The following HERC4 variants were observed in gnomAD, a reference collection of about 807,000 sequenced individuals.
The protein encoded by HERC4 is HECT and RLD domain containing E3 ubiquitin protein ligase 4, also known as probable E3 ubiquitin-protein ligase HERC4.
In HERC4, 28 loss-of-function variants were observed where a neutral mutation model predicts 124.3. The ratio of observed to expected loss-of-function variants is 0.23; its 90% confidence interval spans 0.17 to 0.31. The LOEUF is 0.31. HERC4 is among the 10% of genes least tolerant of loss of function. HERC4 has a pLI of 1.00. For missense variants in HERC4, 713 were observed against 1,229.3 expected, an observed-to-expected ratio of 0.58 and a Z score of 6.28; for synonymous variants, 407 against 421.5, an observed-to-expected ratio of 0.97 and a Z score of 0.42.
chr10:68,029,973 C>T (rs1195684905), intron 7 of HERC4, among the ~76,000 whole-genome samples: 1 of 151,336 alleles, frequency 6.6e-6, no homozygotes, highest in Admixed American at 6.6e-5. Flanking sequence ...CTCCTGACCT[C>T]GTGATCTGCC....
At chr10:67,942,864 G>A (rs1035189283) in intron 19 of HERC4, among the ~76,000 whole-genome samples, 1 of 151,980 alleles carries the variant, frequency 6.6e-6, no homozygotes, top group Non-Finnish European at 1.5e-5. Context: ...TACTCTTCAC[G>A]TTTTCATCTG....
At chr10:68,057,626 A>G (rs2040615571) in intron 3 of HERC4, among the ~76,000 whole-genome samples, 1 of 149,846 alleles carries the variant, frequency 6.7e-6, no homozygotes, top group Non-Finnish European at 1.5e-5. Context: ...TCTGTCTCAA[A>G]AAAAAAAAAA....
At chr10:67,952,624 C>T (rs921200929) in intron 19 of HERC4, among the ~76,000 whole-genome samples, 80 of 151,278 alleles carry the variant, frequency 5.3e-4, no homozygotes, top group Admixed American at 4.9e-3. Flanking sequence ...GGAGGCCGGG[C>T]GCGGTGGCTC....
In HERC4 at chr10:67,922,763, G is replaced by C. The variant is rs73261363; in HGVS notation, c.*168C>G. 7,738 of 503,788 alleles carry C rather than the reference G, an allele frequency of 0.015. 478 individuals are homozygous for C. The highest frequency in any genetic ancestry group is 0.13 in the African/African-American group (6,997 of 52,822). The allele number at this position is 503,788 out of a possible 1,614,324, so 31.2% of individuals were successfully genotyped here. On this transcript the variant is annotated 3_prime_UTR_variant, in exon 25 of 25. Transcript: ENST00000373700. ...TTCTGTACAATAATATTAACAGTTT[G>C]TTCATTTTCCTTTAATATTTTTTGG...
intron 9 of HERC4, chr10:68,010,601 G>T: frequency 7.7e-7 from 1 of 1,297,308 alleles, no homozygotes; most frequent in Non-Finnish European, 1.1e-6. Flanking sequence ...AGGCCTGCAC[G>T]AGGGTTTCGG....
At chr10:67,995,319 C>T (rs1197379585) in intron 9 of HERC4, 2 of 451,122 alleles carry the variant, frequency 4.4e-6, no homozygotes, top group African/African-American at 2.0e-5. Context: ...TAAGTGTTAG[C>T]ATTACTTCAT....
chr10:68,043,404 G>A (rs1394533432), intron 4 of HERC4, among the ~76,000 whole-genome samples: 1 of 152,122 alleles, frequency 6.6e-6, no homozygotes, highest in Non-Finnish European at 1.5e-5. Context: ...GTCAGAATTT[G>A]TGTAAATTTT....
chr10:68,014,273 TA>T (rs2038134125), intron 8 of HERC4, 87 bp from the exon 9 acceptor site: 4 of 1,215,152 alleles, frequency 3.3e-6, no homozygotes, highest in Non-Finnish European at 4.4e-6. Flanking sequence ...TCAAAAGAGG[TA>T]ATTTTTCTTT....
At chr10:68,011,598 C>T (rs541458896) in intron 9 of HERC4, among the ~76,000 whole-genome samples, 44 of 152,262 alleles carry the variant, frequency 2.9e-4, no homozygotes, top group East Asian at 1.9e-3. Flanking sequence ...TTTTACTGAG[C>T]GGTGGGTCTC....
intron 14 of HERC4, among the ~76,000 whole-genome samples, chr10:67,989,894 C>G (rs1228819114): frequency 6.6e-6 from 1 of 151,668 alleles, no homozygotes; most frequent in Non-Finnish European, 1.5e-5. Context: ...TGTTCCTCCT[C>G]CTTTACTTCT....
intron 7 of HERC4, among the ~76,000 whole-genome samples, chr10:68,029,551 T>C (rs1290290254): frequency 6.6e-6 from 1 of 151,878 alleles, no homozygotes; most frequent in African/African-American, 2.4e-5. Flanking sequence ...TTATCCTTAG[T>C]GTATTTCCCC....
intron 23 of HERC4, among the ~76,000 whole-genome samples, chr10:67,925,595 A>G (rs760213833): frequency 2.0e-5 from 3 of 152,146 alleles, no homozygotes; most frequent in Non-Finnish European, 4.4e-5. Flanking sequence ...GCAACACTAA[A>G]AATTTTCTGA....
chr10:67,968,672 G>A (rs1353757916), intron 15 of HERC4, among the ~76,000 whole-genome samples: 1 of 152,006 alleles, frequency 6.6e-6, no homozygotes, highest in Non-Finnish European at 1.5e-5. Flanking sequence ...ACCGCGCCTG[G>A]CCAGAGAGGC....
intron 14 of HERC4, 73 bp downstream of exon 14, chr10:67,990,138 T>C: frequency 7.8e-7 from 1 of 1,281,584 alleles, no homozygotes; most frequent in Non-Finnish European, 1.1e-6. Flanking sequence ...GAACTGCAAA[T>C]GGCAAAAGAA....
At chr10:68,047,843 C>A (rs689211) in intron 3 of HERC4, among the ~76,000 whole-genome samples, 70,599 of 151,952 alleles carry the variant, frequency 0.46, 18,063 homozygotes, top group East Asian at 0.85. Context: ...AAAAGTAAAT[C>A]TACTCTTACC....
intron 19 of HERC4, among the ~76,000 whole-genome samples, chr10:67,944,352 C>T (rs1477529932): frequency 6.6e-6 from 1 of 152,264 alleles, no homozygotes; most frequent in Non-Finnish European, 1.5e-5. Context: ...GACAGTACCT[C>T]TTAGTTTGCA....
intron 9 of HERC4, chr10:68,010,457 A>G (rs888020884): frequency 7.5e-6 from 7 of 928,884 alleles, no homozygotes; most frequent in Middle Eastern, 4.4e-4. Context: ...GGCGCCAATT[A>G]CAGAACCACA....
At chr10:68,036,979 T>A (rs975242084) in intron 5 of HERC4, among the ~76,000 whole-genome samples, 3 of 152,120 alleles carry the variant, frequency 2.0e-5, no homozygotes, top group Admixed American at 6.5e-5. Context: ...TCCCTAAACC[T>A]GTCTCTTAAT....
chr10:67,924,679 T>C (rs2030672190), intron 24 of HERC4, among the ~76,000 whole-genome samples: 1 of 152,180 alleles, frequency 6.6e-6, no homozygotes, highest in African/African-American at 2.4e-5. Flanking sequence ...CTATGCCAAT[T>C]TATACAAGAA....
Sources: allele counts gnomAD v4.1 joint callset (sites outside exome capture counted in the v4.1 genomes callset), GRCh38; gene constraint gnomAD v4.1.1; transcripts MANE v1.5; gene names NCBI Gene and HGNC (gene_info 2026-07-23, HGNC 2026-07-21).